CCDC178: variants seen among roughly 807,000 people sequenced by gnomAD.
CCDC178 encodes coiled-coil domain containing 178, also known as coiled-coil domain-containing protein 178.
In CCDC178, 126 loss-of-function variants were observed where a neutral mutation model predicts 117.4. The observed-to-expected ratio is 1.07, with a 90% confidence interval of 0.93 to 1.24. CCDC178 has a LOEUF of 1.24. CCDC178 is among the 50% of genes most tolerant of loss of function. CCDC178 has a pLI of 0.00. For missense variants in CCDC178, 1,030 were observed against 986.9 expected (o/e 1.04, Z -0.59); for synonymous variants, 283 against 313.4 (o/e 0.90, Z 1.02).
chr18:33,190,942 G>T (rs1379668717), intron 20 of CCDC178, among the ~76,000 whole-genome samples: 1 of 151,988 alleles, frequency 6.6e-6, no homozygotes, highest in African/African-American at 2.4e-5. Context: ...AATACACTTT[G>T]CCCCTCCATC....
intron 2 of CCDC178, among the ~76,000 whole-genome samples, chr18:33,416,514 C>T (rs1453213325): frequency 2.0e-5 from 3 of 151,870 alleles, no homozygotes; most frequent in African/African-American, 7.3e-5. Flanking sequence ...ATAATGAGGA[C>T]CCCAAATTTC....
At chr18:33,401,032 A>G (rs1470539761) in intron 3 of CCDC178, among the ~76,000 whole-genome samples, 3 of 152,194 alleles carry the variant, frequency 2.0e-5, no homozygotes, top group African/African-American at 7.2e-5. Flanking sequence ...GGAGAGAGAA[A>G]TAGATGTGGG....
chr18:33,105,759 A>C (rs1447613741), intron 20 of CCDC178, among the ~76,000 whole-genome samples: 1 of 151,660 alleles, frequency 6.6e-6, no homozygotes, highest in Non-Finnish European at 1.5e-5. Flanking sequence ...TCTGTGTTGC[A>C]TTCCAGTTTA....
chr18:33,043,067 A>C (rs2056578272), intron 21 of CCDC178, among the ~76,000 whole-genome samples: 1 of 152,052 alleles, frequency 6.6e-6, no homozygotes, highest in Non-Finnish European at 1.5e-5. Flanking sequence ...CAAAACATAA[A>C]AATTCATTTG....
At chr18:33,126,587 C>T (rs2058006950) in intron 20 of CCDC178, among the ~76,000 whole-genome samples, 2 of 151,792 alleles carry the variant, frequency 1.3e-5, no homozygotes, top group African/African-American at 2.4e-5. Flanking sequence ...CCCTGTGGAA[C>T]TCATGTATAT....
intron 21 of CCDC178, among the ~76,000 whole-genome samples, chr18:33,024,786 G>A (rs532514947): frequency 4.5e-4 from 68 of 150,148 alleles, no homozygotes; most frequent in Admixed American, 1.6e-3. Flanking sequence ...TGGGAGTACA[G>A]GTGCCTGCTA....
At position 33,420,733 on chromosome 18, in the gene CCDC178, G is replaced by A. The variant is rs148875076; in HGVS notation, c.-22-8623C>T. ...GAAATAATCTGAACACCAAACTCCC[G>A]TAACACACAATTTATATGACAAACC... is the stretch of plus-strand genomic sequence containing the variant. On this transcript the variant is annotated intron_variant, in intron 2 of 22. Coordinates refer to ENST00000383096, the MANE Select transcript of CCDC178 (RefSeq NM_001105528.4). 1.2e-3 allele frequency among the ~76,000 whole-genome samples: 179 copies of A among 151,764 alleles called. 1 individual carries two copies. The highest frequency in any genetic ancestry group is 4.0e-3 in the African/African-American group (164 of 41,356).
intron 21 of CCDC178, among the ~76,000 whole-genome samples, chr18:32,994,832 AC>A (rs1199063514): frequency 2.6e-5 from 4 of 152,222 alleles, no homozygotes; most frequent in Non-Finnish European, 5.9e-5. Flanking sequence ...CATGTCTGCC[AC>A]AGGTGTGAAA....
At chr18:33,264,417 C>A (rs942779067) in intron 14 of CCDC178, among the ~76,000 whole-genome samples, 2 of 151,996 alleles carry the variant, frequency 1.3e-5, no homozygotes, top group Non-Finnish European at 2.9e-5. Flanking sequence ...GCCTGCAAAT[C>A]TCTTAATCTC....
intron 2 of CCDC178, among the ~76,000 whole-genome samples, chr18:33,439,618 GTC>G (rs2064349829): frequency 6.6e-6 from 1 of 152,172 alleles, no homozygotes; most frequent in Non-Finnish European, 1.5e-5. Flanking sequence ...AACTAGTCAT[GTC>G]TCTGAGTTCT....
At chr18:33,366,283 A>C (rs1489698366) in intron 6 of CCDC178, among the ~76,000 whole-genome samples, 7 of 152,046 alleles carry the variant, frequency 4.6e-5, no homozygotes, top group Non-Finnish European at 1.0e-4. Context: ...GGGCCAGCAT[A>C]GTGAGACCTC....
chr18:33,332,942 A>C (rs1418992325), intron 10 of CCDC178, among the ~76,000 whole-genome samples: 1 of 152,164 alleles, frequency 6.6e-6, no homozygotes, highest in African/African-American at 2.4e-5. Context: ...TAAATGACCA[A>C]AATTTTACCA....
chr18:33,314,264 T>G (rs2062387646), intron 11 of CCDC178, among the ~76,000 whole-genome samples: 1 of 137,528 alleles, frequency 7.3e-6, no homozygotes, highest in Middle Eastern at 3.8e-3. Context: ...GCTGCCATGG[T>G]CAATCCAAAG....
At chr18:33,258,589 A>C (rs2144737723) in intron 14 of CCDC178, among the ~76,000 whole-genome samples, 1 of 152,290 alleles carries the variant, frequency 6.6e-6, no homozygotes, top group East Asian at 1.9e-4. Context: ...ATTAGTCAAC[A>C]TGTTTATTAT....
intron 4 of CCDC178, among the ~76,000 whole-genome samples, chr18:33,389,845 A>G (rs2063543306): frequency 6.6e-6 from 1 of 151,838 alleles, no homozygotes; most frequent in South Asian, 2.1e-4. Flanking sequence ...GAAGGTATTC[A>G]AAATAGCATG....
intron 22 of CCDC178, among the ~76,000 whole-genome samples, chr18:32,939,289 A>C (rs1482542256): frequency 3.3e-5 from 5 of 152,102 alleles, no homozygotes; most frequent in African/African-American, 1.2e-4. Context: ...AGATACTTAA[A>C]TATCATTTTC....
chr18:33,205,673 A>G (rs2059037612), intron 20 of CCDC178, among the ~76,000 whole-genome samples: 1 of 152,146 alleles, frequency 6.6e-6, no homozygotes, highest in African/African-American at 2.4e-5. Flanking sequence ...TTCTCTATGG[A>G]GCAAAAGTTG....
chr18:33,255,411 C>T (rs1187749636), intron 14 of CCDC178, among the ~76,000 whole-genome samples: 6 of 151,944 alleles, frequency 3.9e-5, no homozygotes, highest in South Asian at 2.1e-4. Flanking sequence ...GGTAGGGAGC[C>T]TATGAAATGT....
At chr18:33,188,549 C>T (rs1406896507) in intron 20 of CCDC178, among the ~76,000 whole-genome samples, 2 of 146,338 alleles carry the variant, frequency 1.4e-5, no homozygotes, top group East Asian at 3.9e-4. Flanking sequence ...GAATTAGATC[C>T]ACCTGCTGGT....
Sources: gnomAD v4.1 joint callset for allele counts (sites outside exome capture counted in the v4.1 genomes callset) on GRCh38, gnomAD v4.1.1 for gene constraint, MANE v1.5 for transcripts, NCBI Gene and HGNC (gene_info 2026-07-23, HGNC 2026-07-21) for gene names.